The following PDE3A variants were observed in gnomAD, a reference collection of about 807,000 sequenced individuals.
PDE3A encodes phosphodiesterase 3A.
Under a neutral mutation model 98.3 loss-of-function variants are expected in PDE3A, and 43 were observed. That is an observed-to-expected ratio of 0.44 (90% CI 0.34 to 0.56). PDE3A has a LOEUF of 0.56. Ranked by LOEUF, PDE3A falls within the 20% of genes least tolerant of loss-of-function variation. The probability of loss-of-function intolerance (pLI) is 0.01; values close to 1 mark genes in which losing one functional copy is unlikely to be tolerated. For missense variants in PDE3A, 1,427 were observed against 1,440.7 expected (o/e 0.99, Z 0.15); for synonymous variants, 663 against 567.9 (o/e 1.17, Z -2.38).
chr12:20,655,453 A>G (rs1565465249), intron 15 of PDE3A, among the ~76,000 whole-genome samples: 1 of 152,144 alleles, frequency 6.6e-6, no homozygotes, highest in South Asian at 2.1e-4. Flanking sequence ...GCCGGGAACG[A>G]ACTGTCCAAG....
chr12:20,437,321 C>T (rs577159640), intron 1 of PDE3A, among the ~76,000 whole-genome samples: 4 of 152,244 alleles, frequency 2.6e-5, no homozygotes, highest in Non-Finnish European at 5.9e-5. Flanking sequence ...AATTATTTAA[C>T]ATATATTGAT....
At chr12:20,529,790 T>G (rs771833089) in intron 1 of PDE3A, among the ~76,000 whole-genome samples, 40 of 152,202 alleles carry the variant, frequency 2.6e-4, no homozygotes, top group Non-Finnish European at 4.6e-4. Context: ...CCACTGAATT[T>G]GTTTACCTAG....
chr12:20,678,449 G>A (rs1945692808), intron 15 of PDE3A, among the ~76,000 whole-genome samples: 2 of 152,140 alleles, frequency 1.3e-5, no homozygotes, highest in South Asian at 4.1e-4. Flanking sequence ...TCCAAGACAA[G>A]TTTCTTAAAG....
At chr12:20,531,119 C>T (rs1185323210) in intron 1 of PDE3A, among the ~76,000 whole-genome samples, 1 of 152,188 alleles carries the variant, frequency 6.6e-6, no homozygotes, top group Non-Finnish European at 1.5e-5. Flanking sequence ...CTTCATCCCT[C>T]TTAGAAGAGT....
chr12:20,418,493 A>G (rs1311165890), intron 1 of PDE3A, among the ~76,000 whole-genome samples: 3 of 152,076 alleles, frequency 2.0e-5, no homozygotes, highest in Non-Finnish European at 4.4e-5. Context: ...CTTTTAGGGG[A>G]TATACTTTCC....
At chr12:20,442,970 T>C (rs1422982527) in intron 1 of PDE3A, among the ~76,000 whole-genome samples, 1 of 152,138 alleles carries the variant, frequency 6.6e-6, no homozygotes, top group Non-Finnish European at 1.5e-5. Context: ...GATCCTTTTT[T>C]TTAATGGAGG....
intron 15 of PDE3A, among the ~76,000 whole-genome samples, chr12:20,665,989 A>T (rs1423927022): frequency 2.4e-5 from 3 of 123,638 alleles, no homozygotes; most frequent in African/African-American, 9.5e-5. Context: ...TTTGAGACCG[A>T]GTCTCAGTCT....
rs371627667 is a variant in PDE3A, at chr12:20,684,837, C to A, written c.*4566C>A. Among the ~76,000 whole-genome samples, 3 of 152,176 alleles carry A rather than the reference C, an allele frequency of 2.0e-5. No homozygotes were observed. Among genetic ancestry groups the A allele is most frequent in the East Asian group, 1.9e-4 (1 of 5,186 alleles). On this transcript the variant is annotated 3_prime_UTR_variant, in exon 16 of 16. Coordinates refer to ENST00000359062, the MANE Select transcript of PDE3A (RefSeq NM_000921.5). ...TATTGGGAATGAATTACACTACAAACAATGAGTTGAGCTAAAAACTATACA... is the reference window on the plus strand; with the variant it reads ...TATTGGGAATGAATTACACTACAAAAAATGAGTTGAGCTAAAAACTATACA...
At chr12:20,524,188 A>T (rs1946477184) in intron 1 of PDE3A, among the ~76,000 whole-genome samples, 1 of 152,228 alleles carries the variant, frequency 6.6e-6, no homozygotes, top group Admixed American at 6.5e-5. Context: ...TCCTGATTTA[A>T]CAAATTCTGA....
At chr12:20,442,907 A>G (rs1245638361) in intron 1 of PDE3A, among the ~76,000 whole-genome samples, 1 of 152,144 alleles carries the variant, frequency 6.6e-6, no homozygotes, top group East Asian at 1.9e-4. Context: ...AGAACAAAGC[A>G]GTGTCACAGA....
At chr12:20,616,997 GT>G (rs201427074) in intron 4 of PDE3A, among the ~76,000 whole-genome samples, 5,616 of 152,258 alleles carry the variant, frequency 0.037, 137 homozygotes, top group Non-Finnish European at 0.055. Flanking sequence ...GCTAAGGAAA[GT>G]GCATTTAGAG....
intron 10 of PDE3A, among the ~76,000 whole-genome samples, chr12:20,642,741 A>G (rs1266080962): frequency 6.6e-6 from 1 of 152,160 alleles, no homozygotes; most frequent in South Asian, 2.1e-4. Flanking sequence ...TCAGCTGTAC[A>G]TGATGTGCCC....
chr12:20,511,305 A>T (rs1337140947), intron 1 of PDE3A, among the ~76,000 whole-genome samples: 1 of 152,016 alleles, frequency 6.6e-6, no homozygotes, highest in Non-Finnish European at 1.5e-5. Context: ...ACCTTTGCAA[A>T]TTGAAGGAAC....
chr12:20,634,746 G>A (rs1001462063), intron 7 of PDE3A, among the ~76,000 whole-genome samples, 156 bp from the exon 8 acceptor site: 1 of 152,142 alleles, frequency 6.6e-6, no homozygotes, highest in African/African-American at 2.4e-5. Flanking sequence ...GATGTGTGAT[G>A]TTCTCCACCC....
chr12:20,533,478 C>CTTTTTTTTTTTTTTTTTT (rs10707682), intron 1 of PDE3A, among the ~76,000 whole-genome samples: 1 of 124,650 alleles, frequency 8.0e-6, no homozygotes, highest in Non-Finnish European at 1.7e-5. Flanking sequence ...GTTTCTTTTT[C>CTTTTTTTTTTTTTTTTTT]TTTTTTTTTT....
Position 20,438,162 on chromosome 12 carries a change from T to G in PDE3A, c.960+67918T>G, listed in dbSNP as rs78405359. On this transcript the variant is annotated intron_variant, in intron 1 of 15. Coordinates refer to ENST00000359062, the MANE Select transcript of PDE3A (RefSeq NM_000921.5). ...GTGTTGCTAAAAAGAATTAGTTCCA[T>G]TTTCTCCAGAGTGCTCTAAGTTATA... Among the ~76,000 whole-genome samples, 3 of 152,228 alleles carry G rather than the reference T, an allele frequency of 2.0e-5. No homozygotes were observed. The East Asian group carries it at 5.8e-4, about 29-fold the overall frequency.
intron 1 of PDE3A, among the ~76,000 whole-genome samples, chr12:20,452,296 A>C (rs2120891319): frequency 6.6e-6 from 1 of 152,292 alleles, no homozygotes; most frequent in African/African-American, 2.4e-5. Flanking sequence ...AATGAGTGTA[A>C]GTGAAACAAA....
intron 1 of PDE3A, among the ~76,000 whole-genome samples, chr12:20,490,471 G>C (rs1945808636): frequency 6.6e-6 from 1 of 152,154 alleles, no homozygotes; most frequent in South Asian, 2.1e-4. Flanking sequence ...CATTGTGTTT[G>C]CTGCATGGAA....
intron 2 of PDE3A, among the ~76,000 whole-genome samples, chr12:20,560,640 T>C (rs1942491234): frequency 6.6e-6 from 1 of 152,152 alleles, no homozygotes; most frequent in South Asian, 2.1e-4. Context: ...GATTTATTTA[T>C]TTACTTACTT....
Sources: allele counts gnomAD v4.1 joint callset (sites outside exome capture counted in the v4.1 genomes callset), GRCh38; gene constraint gnomAD v4.1.1; transcripts MANE v1.5; gene names NCBI Gene and HGNC (gene_info 2026-07-23, HGNC 2026-07-21).